Variants in ADGRL2 observed in about 807,000 individuals in gnomAD.
ADGRL2 encodes adhesion G protein-coupled receptor L2.
ADGRL2 carries 44 observed loss-of-function variants against 157.4 expected under a neutral mutation model. The ratio of observed to expected loss-of-function variants is 0.28; its 90% confidence interval spans 0.22 to 0.36. The LOEUF (loss-of-function observed/expected upper bound fraction) is 0.36. Ranked by LOEUF, ADGRL2 falls within the 10% of genes least tolerant of loss-of-function variation. The pLI, the probability that ADGRL2 is intolerant of heterozygous loss-of-function variation, is 1.00. For missense variants in ADGRL2, 1,510 were observed against 1,768.9 expected, an observed-to-expected ratio of 0.85 and a Z score of 2.63; for synonymous variants, 585 against 624.7, an observed-to-expected ratio of 0.94 and a Z score of 0.95.
intron 2 of ADGRL2, among the ~76,000 whole-genome samples, chr1:81,527,800 G>A (rs1200764359): frequency 1.3e-5 from 2 of 152,154 alleles, no homozygotes; most frequent in Non-Finnish European, 2.9e-5. Flanking sequence ...AGGCAAGGTG[G>A]CTCACGCCTG....
Position 81,509,772 on chromosome 1 carries a change from C to T in ADGRL2, c.-248+64683C>T, listed in dbSNP as rs572829481. 8.5e-5 allele frequency among the ~76,000 whole-genome samples: 13 copies of T among 152,264 alleles called. No homozygotes were observed. The East Asian group carries it at 2.3e-3, about 27-fold the overall frequency. ...ACCCTGACTCACTGTGCCAGGCAAG[C>T]GCTCTATTGAATTGTTTGCACCAGC... On this transcript the variant is annotated intron_variant, in intron 2 of 24. Transcript: ENST00000370721.
intron 2 of ADGRL2, among the ~76,000 whole-genome samples, chr1:81,871,915 T>G (rs1376751454): frequency 6.6e-6 from 1 of 152,208 alleles, no homozygotes; most frequent in Non-Finnish European, 1.5e-5. Context: ...TCTTTTGCAG[T>G]GCAGAAGCTC....
chr1:81,796,344 T>C (rs1384250477), upstream of ADGRL2, among the ~76,000 whole-genome samples: 1 of 152,186 alleles, frequency 6.6e-6, no homozygotes, highest in African/African-American at 2.4e-5. Context: ...TATGAGTATT[T>C]ATGATGGACA....
At chr1:81,347,800 G>C (rs1304951887) in intron 1 of ADGRL2, among the ~76,000 whole-genome samples, 3 of 152,128 alleles carry the variant, frequency 2.0e-5, no homozygotes, top group African/African-American at 4.8e-5. Context: ...CTCTGCAAAA[G>C]CCAGGAATAC....
intron 3 of ADGRL2, among the ~76,000 whole-genome samples, chr1:81,936,419 C>CT (rs2095311532): frequency 6.6e-6 from 1 of 151,702 alleles, no homozygotes; most frequent in Non-Finnish European, 1.5e-5. Flanking sequence ...TGTTGTTGAT[C>CT]TTGTTGTCGT....
intron 3 of ADGRL2, among the ~76,000 whole-genome samples, chr1:81,664,369 C>G (rs1403464066): frequency 6.6e-6 from 1 of 152,084 alleles, no homozygotes; most frequent in African/African-American, 2.4e-5. Flanking sequence ...TACACCCCCT[C>G]AGAAAAGCAA....
intron 1 of ADGRL2, among the ~76,000 whole-genome samples, chr1:81,432,676 C>T (rs2077342976): frequency 6.6e-6 from 1 of 152,120 alleles, no homozygotes; most frequent in Non-Finnish European, 1.5e-5. Context: ...CCCTCCTCGG[C>T]GCCGCTCCCC....
At chr1:81,599,687 A>C (rs1406862074) in intron 3 of ADGRL2, among the ~76,000 whole-genome samples, 1 of 152,164 alleles carries the variant, frequency 6.6e-6, no homozygotes, top group Non-Finnish European at 1.5e-5. Context: ...ATTCATCATC[A>C]TCTATTGTTA....
chr1:81,666,067 C>A (rs1216842655), intron 3 of ADGRL2, among the ~76,000 whole-genome samples: 2 of 152,132 alleles, frequency 1.3e-5, no homozygotes, highest in Non-Finnish European at 2.9e-5. Flanking sequence ...CAAGCACAAT[C>A]CAGTAAAGCT....
intron 1 of ADGRL2, among the ~76,000 whole-genome samples, chr1:81,320,423 A>G (rs893747232): frequency 6.6e-6 from 1 of 152,198 alleles, no homozygotes; most frequent in East Asian, 1.9e-4. Context: ...AAGGTTTTCA[A>G]ATTAATTTGC....
intron 2 of ADGRL2, among the ~76,000 whole-genome samples, chr1:81,776,071 G>A (rs2149362461): frequency 6.6e-6 from 1 of 152,152 alleles, no homozygotes; most frequent in Non-Finnish European, 1.5e-5. Context: ...CCAAATTTGG[G>A]TTAGCATCAT....
intron 1 of ADGRL2, among the ~76,000 whole-genome samples, chr1:81,810,681 G>A (rs1206024844): frequency 6.6e-6 from 1 of 151,664 alleles, no homozygotes; most frequent in African/African-American, 2.4e-5. Flanking sequence ...CCTAGTAATT[G>A]TACATTTTTT....
chr1:81,478,522 T>C (rs900752807), intron 2 of ADGRL2, among the ~76,000 whole-genome samples: 1 of 152,196 alleles, frequency 6.6e-6, no homozygotes, highest in Non-Finnish European at 1.5e-5. Flanking sequence ...GCACTTTCAT[T>C]GTAAATTTAA....
At chr1:81,318,080 A>G (rs1275964827) in intron 1 of ADGRL2, among the ~76,000 whole-genome samples, 1 of 152,196 alleles carries the variant, frequency 6.6e-6, no homozygotes, top group Non-Finnish European at 1.5e-5. Context: ...AATAGAAAAC[A>G]TACTCTCCAC....
chr1:81,524,030 A>T (rs1308446443), intron 2 of ADGRL2, among the ~76,000 whole-genome samples: 1 of 151,064 alleles, frequency 6.6e-6, no homozygotes, highest in Non-Finnish European at 1.5e-5. Context: ...GCGATATTGC[A>T]CTCCAGCTGG....
intron 1 of ADGRL2, among the ~76,000 whole-genome samples, chr1:81,371,735 C>T (rs1026515994): frequency 6.6e-6 from 1 of 152,078 alleles, no homozygotes; most frequent in African/African-American, 2.4e-5. Flanking sequence ...TGTTTTTGAA[C>T]AAGAAAAATT....
chr1:81,661,679 T>C (rs941417488), intron 3 of ADGRL2, among the ~76,000 whole-genome samples: 2 of 152,220 alleles, frequency 1.3e-5, no homozygotes, highest in Non-Finnish European at 1.5e-5. Context: ...AGGTTGATTA[T>C]ACATCTCAGT....
intron 4 of ADGRL2, among the ~76,000 whole-genome samples, chr1:81,937,152 A>AAACCAG (rs2095322771): frequency 1.3e-5 from 2 of 151,932 alleles, no homozygotes; most frequent in Non-Finnish European, 2.9e-5. Context: ...TTGCTGACAA[A>AAACCAG]TTGGTTTGGC....
chr1:81,926,492 C>T (rs1235575238), intron 3 of ADGRL2, among the ~76,000 whole-genome samples: 1 of 151,942 alleles, frequency 6.6e-6, no homozygotes, highest in African/African-American at 2.4e-5. Flanking sequence ...CATCCCATAG[C>T]GATTTCCCAT....
Sources: gnomAD v4.1 joint callset for allele counts (sites outside exome capture counted in the v4.1 genomes callset) on GRCh38, gnomAD v4.1.1 for gene constraint, MANE v1.5 for transcripts, NCBI Gene and HGNC (gene_info 2026-07-23, HGNC 2026-07-21) for gene names.